Variants in MYT1L observed in about 807,000 individuals in gnomAD.
MYT1L encodes myelin transcription factor 1 like.
MYT1L carries 12 observed loss-of-function variants against 126.7 expected under a neutral mutation model. The observed-to-expected ratio is 0.09, with a 90% CI of 0.06 to 0.15. The LOEUF is 0.15. MYT1L is among the 10% of genes least tolerant of loss of function. The probability of loss-of-function intolerance (pLI) is 1.00; values close to 1 mark genes in which losing one functional copy is unlikely to be tolerated. For missense variants in MYT1L, 979 were observed against 1,585.2 expected (o/e 0.62, Z 6.49); for synonymous variants, 541 against 604.2 (o/e 0.90, Z 1.53).
chr2:1,961,047 C>A (rs895613247), intron 8 of MYT1L, among the ~76,000 whole-genome samples: 4 of 151,990 alleles, frequency 2.6e-5, no homozygotes, highest in Admixed American at 2.6e-4. Context: ...TAGCACTCAA[C>A]AATTAGTATC....
intron 5 of MYT1L, among the ~76,000 whole-genome samples, chr2:1,985,468 G>A (rs1163188406): frequency 1.3e-5 from 2 of 152,074 alleles, no homozygotes; most frequent in South Asian, 2.1e-4. Context: ...AAAACCCTAC[G>A]TCATAGAAAA....
chr2:1,971,999 T>C (rs919533943), intron 8 of MYT1L, among the ~76,000 whole-genome samples: 2 of 152,202 alleles, frequency 1.3e-5, no homozygotes, highest in Non-Finnish European at 2.9e-5. Context: ...TGATTTATAA[T>C]ATCAGTGATG....
Position 1,889,370 on chromosome 2 carries a change from G to A in MYT1L, c.2391C>T (p.Ser797=), listed in dbSNP as rs1296616818. 3.3e-5 allele frequency: 53 copies of A among 1,613,842 alleles called. No individual in the cohort carries two copies. The highest frequency in any genetic ancestry group is 4.4e-5 in the Non-Finnish European group (52 of 1,179,912). ...TGTTCATCACTGCCTGCTGCTGGGGGGACATGGGCTCCAGAGGGGTCAGGA... is the reference window on the plus strand; with the variant it reads ...TGTTCATCACTGCCTGCTGCTGGGGAGACATGGGCTCCAGAGGGGTCAGGA... The part of the protein sequence containing the change: ...CPILTPLEPM[S]PQQQAVMNNR... Residue 797 remains serine (S), a synonymous_variant, in exon 16 of 25, where the codon TCC becomes TCT. Coordinates refer to ENST00000647738, the MANE Select transcript of MYT1L (RefSeq NM_001303052.2). This position sits in a 1 kb window ranked among gnomAD's most constrained non-coding sequence, Gnocchi z 4.1.
At chr2:2,096,689 G>A (rs1339637490) in intron 3 of MYT1L, among the ~76,000 whole-genome samples, 2 of 152,152 alleles carry the variant, frequency 1.3e-5, no homozygotes, top group East Asian at 3.9e-4. Context: ...GGGTGAGTCC[G>A]CATTGCAGGT....
At chr2:2,053,452 A>G (rs1574852521) in intron 4 of MYT1L, among the ~76,000 whole-genome samples, 1 of 152,252 alleles carries the variant, frequency 6.6e-6, no homozygotes, top group Non-Finnish European at 1.5e-5. Context: ...ACAAAAGGCC[A>G]TAACCTGAAG....
In MYT1L at chr2:1,848,719, C is replaced by T. The variant is rs143340137; in HGVS notation, c.2774+2922G>A. Among the ~76,000 whole-genome samples, 7 of 152,252 alleles carry T rather than the reference C, an allele frequency of 4.6e-5. No individual in the cohort carries two copies. Among genetic ancestry groups the T allele is most frequent in the African/African-American group, 7.2e-5 (3 of 41,550 alleles). On this transcript the variant is annotated intron_variant, in intron 19 of 24. Transcript: ENST00000647738. This position sits in a 1 kb window ranked among gnomAD's most constrained non-coding sequence, Gnocchi z 4.8. The stretch of plus-strand genomic sequence containing the variant: ...CTTGTTGGCTTCTGTCTGTCTGCAG[C>T]AGCTCATTTACACAGAACTGCACTT...
chr2:1,805,872 C>T (rs1018488441), intron 22 of MYT1L, among the ~76,000 whole-genome samples: 3 of 152,046 alleles, frequency 2.0e-5, no homozygotes, highest in African/African-American at 4.8e-5. Flanking sequence ...GGTGACAGAG[C>T]GAGACCCAGT....
intron 18 of MYT1L, 138 bp from the exon 19 acceptor site, chr2:1,851,841 CT>C (rs1362283610): frequency 1.2e-6 from 1 of 801,526 alleles, no homozygotes; most frequent in Non-Finnish European, 2.1e-6. Context: ...GAGCCGGAAG[CT>C]CCCTCATGGA....
At chr2:2,310,902 G>A (rs1158509258) in intron 1 of MYT1L, among the ~76,000 whole-genome samples, 1 of 152,158 alleles carries the variant, frequency 6.6e-6, no homozygotes, top group African/African-American at 2.4e-5. Context: ...TCTTTCAGCA[G>A]AAAGAGGGCT....
intron 3 of MYT1L, among the ~76,000 whole-genome samples, chr2:2,078,892 T>C (rs76840858): frequency 0.078 from 11,919 of 152,284 alleles, 583 homozygotes; most frequent in Non-Finnish European, 0.11. Context: ...AATTCATATG[T>C]TGAAATTCTA....
chr2:2,201,508 G>A (rs1389498229), intron 2 of MYT1L, among the ~76,000 whole-genome samples: 1 of 152,058 alleles, frequency 6.6e-6, no homozygotes, highest in Non-Finnish European at 1.5e-5. Flanking sequence ...GACCAGCCTG[G>A]CAAACACAGT....
chr2:2,198,043 T>C (rs956170126), intron 2 of MYT1L, among the ~76,000 whole-genome samples: 35 of 151,720 alleles, frequency 2.3e-4, no homozygotes, highest in African/African-American at 8.5e-4. Context: ...ATATATAATA[T>C]ATACACACAC....
At position 1,806,481 on chromosome 2, in the gene MYT1L, C is replaced by T. The variant is rs763994709; in HGVS notation, c.3172+2595G>A. Among the ~76,000 whole-genome samples the T allele has an allele frequency of 6.6e-6, 1 of 152,204 alleles. No homozygotes were observed. The highest frequency in any genetic ancestry group is 1.5e-5 in the Non-Finnish European group (1 of 68,034). Reference sequence around the variant, plus strand: ...CGGTGGCCCTGGAATGCCCGTGTCCCGGCTGCTTTCTGGTGGGATGACACC... The same window carrying T: ...CGGTGGCCCTGGAATGCCCGTGTCCTGGCTGCTTTCTGGTGGGATGACACC... On this transcript the variant is annotated intron_variant, in intron 22 of 24. Coordinates refer to ENST00000647738, the MANE Select transcript of MYT1L (RefSeq NM_001303052.2). This position sits in a 1 kb window ranked among gnomAD's most constrained non-coding sequence, Gnocchi z 4.9.
chr2:1,904,109 C>T (rs2050723008), intron 13 of MYT1L, among the ~76,000 whole-genome samples: 2 of 152,188 alleles, frequency 1.3e-5, no homozygotes, highest in Non-Finnish European at 2.9e-5. Flanking sequence ...ATCTTCATAA[C>T]CGTCAGACAA....
chr2:2,180,172 T>C (rs367849967), intron 2 of MYT1L, among the ~76,000 whole-genome samples: 25 of 152,108 alleles, frequency 1.6e-4, no homozygotes, highest in African/African-American at 6.0e-4. Flanking sequence ...ATTAAATGAA[T>C]GAATTGAATA....
chr2:2,161,287 C>T (rs571670292), intron 3 of MYT1L, among the ~76,000 whole-genome samples: 77 of 152,278 alleles, frequency 5.1e-4, no homozygotes, highest in Non-Finnish European at 1.1e-3. Context: ...GTGTATCCTG[C>T]TTGGATATTT....
intron 2 of MYT1L, among the ~76,000 whole-genome samples, chr2:2,175,955 G>A (rs1243597229): frequency 6.6e-6 from 1 of 152,186 alleles, no homozygotes; most frequent in Non-Finnish European, 1.5e-5. Flanking sequence ...CTGTACTATG[G>A]AGTACATAGC....
chr2:1,877,852 T>G (rs2047111721), intron 18 of MYT1L, among the ~76,000 whole-genome samples: 1 of 151,862 alleles, frequency 6.6e-6, no homozygotes, highest in African/African-American at 2.4e-5. Context: ...GAAAACTAAC[T>G]GGGACCAGGG....
At chr2:2,289,943 A>C (rs2095575127) in intron 1 of MYT1L, among the ~76,000 whole-genome samples, 2 of 152,212 alleles carry the variant, frequency 1.3e-5, no homozygotes, top group African/African-American at 4.8e-5. Flanking sequence ...AGGAGATGGA[A>C]GAAGGAGAGG....
Sources: gnomAD v4.1 joint callset for allele counts (sites outside exome capture counted in the v4.1 genomes callset) on GRCh38, gnomAD v4.1.1 for gene constraint, Gnocchi (gnomAD v3.1) non-coding constraint, MANE v1.5 for transcripts, NCBI Gene and HGNC (gene_info 2026-07-23, HGNC 2026-07-21) for gene names.